The following PCDHGA2 variants were observed in gnomAD, a reference collection of about 807,000 sequenced individuals.
PCDHGA2 encodes the protein protocadherin gamma-A2.
In PCDHGA2, 40 loss-of-function variants were observed where a neutral mutation model predicts 59.2. The observed-to-expected ratio is 0.68, with a 90% CI of 0.52 to 0.88. The LOEUF (loss-of-function observed/expected upper bound fraction) is 0.88. Ranked by LOEUF, PCDHGA2 falls within the 40% of genes least tolerant of loss-of-function variation. The pLI is 0.00. For synonymous variants in PCDHGA2, 560 were observed against 526.0 expected (o/e 1.06, Z -0.89); for missense variants, 1,226 against 1,204.0 (o/e 1.02, Z -0.27).
Position 141,485,337 on chromosome 5 carries a change from A to G in PCDHGA2, c.2425-9470A>G, listed in dbSNP as rs147409155. On this transcript the variant is annotated intron_variant, in intron 1 of 3. Transcript: ENST00000394576. The surrounding 1 kb of genome is among the most constrained non-coding windows in gnomAD (Gnocchi z 5.7). ...AATGTCGCTCAAGATTTCCTGCTGG[A>G]TACGGACAGTCTGTCAGCTCGCAGG... 4.3e-5 allele frequency: 70 copies of G among 1,614,012 alleles called. No individual in the cohort carries two copies. Among genetic ancestry groups the G allele is most frequent in the Non-Finnish European group, 5.7e-5 (67 of 1,180,016 alleles).
chr5:141,444,472 C>A (rs559334960), intron 1 of PCDHGA2, among the ~76,000 whole-genome samples: 2 of 151,850 alleles, frequency 1.3e-5, no homozygotes, highest in Non-Finnish European at 2.9e-5. Context: ...CGCCCGGTCG[C>A]GTACTGGATT....
chr5:141,455,254 G>T (rs936599726), intron 1 of PCDHGA2, among the ~76,000 whole-genome samples: 3 of 151,732 alleles, frequency 2.0e-5, no homozygotes, highest in African/African-American at 7.3e-5. Context: ...TAGTACAATC[G>T]CATTTCTTCC....
At chr5:141,374,343 C>G (rs753543776) in intron 1 of PCDHGA2, 3 of 1,613,872 alleles carry the variant, frequency 1.9e-6, no homozygotes, top group African/African-American at 1.3e-5. Context: ...TTGGTCACCG[C>G]GGGTAGGATA....
chr5:141,358,179 G>A (rs1760841465), intron 1 of PCDHGA2, among the ~76,000 whole-genome samples: 1 of 152,186 alleles, frequency 6.6e-6, no homozygotes, highest in African/African-American at 2.4e-5. Context: ...AACAGAGCAA[G>A]CCTCTGTCTC....
intron 1 of PCDHGA2, chr5:141,385,172 C>A (rs1013319688): frequency 1.2e-6 from 2 of 1,614,210 alleles, no homozygotes; most frequent in Non-Finnish European, 8.5e-7. Context: ...CATGAGGTCT[C>A]CCTCACCGCG....
At chr5:141,502,666 T>C (rs962424461) in intron 2 of PCDHGA2, among the ~76,000 whole-genome samples, 10 of 152,234 alleles carry the variant, frequency 6.6e-5, no homozygotes, top group African/African-American at 2.2e-4. Context: ...CTTCATGCAA[T>C]TTTAGTATTC....
intron 1 of PCDHGA2, chr5:141,415,739 G>GT (rs1561759437): frequency 3.9e-5 from 17 of 435,138 alleles, no homozygotes; most frequent in African/African-American, 2.3e-4. Flanking sequence ...TGTTTATTAA[G>GT]GTTTTTTTTT....
intron 1 of PCDHGA2, among the ~76,000 whole-genome samples, chr5:141,454,032 C>T (rs2098780173): frequency 6.6e-6 from 1 of 152,126 alleles, no homozygotes; most frequent in Non-Finnish European, 1.5e-5. Flanking sequence ...AAGAATTGGC[C>T]AGCAAAGATA....
intron 1 of PCDHGA2, chr5:141,422,019 G>C: frequency 6.2e-7 from 1 of 1,610,862 alleles, no homozygotes; most frequent in Non-Finnish European, 8.5e-7. Context: ...GGGTGCTGAT[G>C]GTTAATGCAA....
At chr5:141,507,349 A>G (rs537480798) in intron 3 of PCDHGA2, 1 of 152,236 alleles carries the variant, frequency 6.6e-6, no homozygotes, top group African/African-American at 2.4e-5. Flanking sequence ...CTGAAATTCA[A>G]ATTTAACTGG....
At chr5:141,419,014 C>A (rs1332175722) in intron 1 of PCDHGA2, 1 of 1,613,780 alleles carries the variant, frequency 6.2e-7, no homozygotes, top group Non-Finnish European at 8.5e-7. Flanking sequence ...TCAGGTGTAG[C>A]TTAAGTAGAG....
rs746088761 is a variant in PCDHGA2 at position 141,404,246 on chromosome 5, CT to C, written c.2424+62852del. 9.3e-6 allele frequency: 15 copies of C among 1,613,922 alleles called. 1 individual carries two copies. The highest frequency in any genetic ancestry group is 5.0e-5 in the Admixed American group (3 of 60,012). Reference sequence around the variant, plus strand: ...TGCAACAGACAGAGGAACTCCGCCCCTGTCCACAGAAATTCACATCACCCTG... The same window carrying C: ...TGCAACAGACAGAGGAACTCCGCCCCGTCCACAGAAATTCACATCACCCTG... On this transcript the variant is annotated intron_variant, in intron 1 of 3. Coordinates refer to ENST00000394576, the MANE Select transcript of PCDHGA2 (RefSeq NM_018915.4).
rs779542409 is a variant in PCDHGA2, at chr5:141,392,788, T to G, written c.2424+51393T>G. The G allele has an allele frequency of 3.9e-6, 6 of 1,553,762 alleles. No individual in the cohort carries two copies. The East Asian group carries it at 1.1e-4, about 30-fold the overall frequency. On this transcript the variant is annotated intron_variant, in intron 1 of 3. Coordinates refer to ENST00000394576, the MANE Select transcript of PCDHGA2 (RefSeq NM_018915.4). ...ACCCATTTATGCACAGTGAAGATTC[T>G]GAGAGGATTCTGCAGCAAAACAACA...
intron 1 of PCDHGA2, among the ~76,000 whole-genome samples, chr5:141,437,457 T>C (rs527469937): frequency 7.2e-5 from 11 of 152,358 alleles, no homozygotes; most frequent in Non-Finnish European, 1.5e-4. Flanking sequence ...GAGGAGACTA[T>C]ACTATACTTT....
intron 1 of PCDHGA2, chr5:141,372,773 T>C: frequency 1.2e-6 from 2 of 1,610,720 alleles, no homozygotes; most frequent in Non-Finnish European, 8.5e-7. Flanking sequence ...GTAATGACAA[T>C]CCAGAAATGC....
At chr5:141,488,705 G>C (rs1024064135) in intron 1 of PCDHGA2, among the ~76,000 whole-genome samples, 8 of 152,200 alleles carry the variant, frequency 5.3e-5, no homozygotes, top group Non-Finnish European at 1.2e-4. Context: ...AGATTTTGCT[G>C]GTTCAAGCAA....
chr5:141,501,290 TAC>T (rs55762287), intron 2 of PCDHGA2, among the ~76,000 whole-genome samples: 11,544 of 136,022 alleles, frequency 0.085, 708 homozygotes, highest in East Asian at 0.37. Context: ...TATTCCCTTA[TAC>T]ACACACACAC....
At chr5:141,408,274 G>T (rs773254664) in intron 1 of PCDHGA2, 2 of 1,611,590 alleles carry the variant, frequency 1.2e-6, no homozygotes, top group Non-Finnish European at 1.7e-6. Flanking sequence ...TGCTGCCTTT[G>T]TTCTACCCCA....
chr5:141,489,093 A>T lies in PCDHGA2; in HGVS notation c.2425-5714A>T. ...GCCCACCCCCGCCACTCGGTGACTA[A>T]GAACTGCTGCAAGCAGGCAAACCTC... is the stretch of plus-strand genomic sequence containing the variant. On this transcript the variant is annotated intron_variant, in intron 1 of 3. Coordinates refer to ENST00000394576, the MANE Select transcript of PCDHGA2 (RefSeq NM_018915.4). This position sits in a 1 kb window ranked among gnomAD's most constrained non-coding sequence, Gnocchi z 4.5. 2.1e-6 allele frequency: 1 copy of T among 477,272 alleles called. No individual in the cohort carries two copies. Among genetic ancestry groups the T allele is most frequent in the Non-Finnish European group, 3.6e-6 (1 of 276,700 alleles). The allele number at this position is 477,272 out of a possible 1,614,324, so 29.6% of individuals were successfully genotyped here.
Sources: allele counts gnomAD v4.1 joint callset (sites outside exome capture counted in the v4.1 genomes callset), GRCh38; gene constraint gnomAD v4.1.1; non-coding constraint Gnocchi (gnomAD v3.1); transcripts MANE v1.5; gene names NCBI Gene and HGNC (gene_info 2026-07-23, HGNC 2026-07-21).